The following PTPRT variants were observed in gnomAD, a reference collection of about 807,000 sequenced individuals.
PTPRT encodes receptor-type tyrosine-protein phosphatase T.
Under a neutral mutation model 176.8 loss-of-function variants are expected in PTPRT, and 56 were observed. The observed-to-expected ratio is 0.32, with a 90% confidence interval of 0.26 to 0.40. The LOEUF (loss-of-function observed/expected upper bound fraction) is 0.40, where lower values mean the gene tolerates loss of function less well. Among genes scored for constraint, PTPRT ranks in the 10% least tolerant of loss-of-function variants. The probability of loss-of-function intolerance (pLI) is 1.00; values close to 1 mark genes in which losing one functional copy is unlikely to be tolerated. For synonymous variants in PTPRT, 783 were observed against 739.0 expected, an observed-to-expected ratio of 1.06 and a Z score of -0.96; for missense variants, 1,540 against 1,908.2, an observed-to-expected ratio of 0.81 and a Z score of 3.60.
intron 24 of PTPRT, among the ~76,000 whole-genome samples, chr20:42,106,095 G>A (rs1314130780): frequency 6.6e-6 from 1 of 152,170 alleles, no homozygotes; most frequent in Non-Finnish European, 1.5e-5. Context: ...CAATTTCTTA[G>A]TTTCTTCTTC....
At chr20:42,620,543 G>T (rs1430543107) in intron 7 of PTPRT, among the ~76,000 whole-genome samples, 1 of 149,834 alleles carries the variant, frequency 6.7e-6, no homozygotes, top group East Asian at 1.9e-4. Flanking sequence ...CCCCAGCCTC[G>T]TTGTCGCCTT....
intron 7 of PTPRT, among the ~76,000 whole-genome samples, chr20:42,544,982 C>T (rs768334527): frequency 6.6e-6 from 1 of 152,136 alleles, no homozygotes; most frequent in Non-Finnish European, 1.5e-5. Context: ...GCTGTACACT[C>T]CCCAGCTTCG....
intron 15 of PTPRT, among the ~76,000 whole-genome samples, chr20:42,209,725 G>A (rs2055571052): frequency 6.6e-6 from 1 of 152,162 alleles, no homozygotes; most frequent in Admixed American, 6.5e-5. Flanking sequence ...GGTACAAGGA[G>A]GAACTGGTAC....
chr20:42,464,816 C>T (rs1299413220), intron 8 of PTPRT, among the ~76,000 whole-genome samples: 1 of 152,030 alleles, frequency 6.6e-6, no homozygotes, highest in African/African-American at 2.4e-5. Context: ...TTTTACATGC[C>T]ACATCTTGTT....
intron 18 of PTPRT, among the ~76,000 whole-genome samples, chr20:42,129,585 T>C (rs1988027227): frequency 6.6e-6 from 1 of 152,140 alleles, no homozygotes; most frequent in African/African-American, 2.4e-5. Context: ...AAGTGGAACA[T>C]TGGTTCGGTC....
At chr20:42,784,999 AT>A (rs2077268152) in intron 3 of PTPRT, among the ~76,000 whole-genome samples, 1 of 152,188 alleles carries the variant, frequency 6.6e-6, no homozygotes, top group African/African-American at 2.4e-5. Context: ...GAAAGAATAG[AT>A]TTTTTTAATG....
At chr20:42,282,142 A>G (rs528950298) in intron 13 of PTPRT, among the ~76,000 whole-genome samples, 1 of 152,316 alleles carries the variant, frequency 6.6e-6, no homozygotes, top group East Asian at 1.9e-4. Flanking sequence ...CTTAAAAAAT[A>G]CCCACATAAA....
chr20:43,020,264 C>A (rs745416239), intron 1 of PTPRT, among the ~76,000 whole-genome samples: 25 of 146,974 alleles, frequency 1.7e-4, no homozygotes, highest in Non-Finnish European at 2.8e-4. Flanking sequence ...ATATTTGGTT[C>A]TTTTTGGATA....
chr20:42,572,033 A>T (rs1290141239), intron 7 of PTPRT, among the ~76,000 whole-genome samples: 4 of 152,156 alleles, frequency 2.6e-5, no homozygotes, highest in Non-Finnish European at 5.9e-5. Context: ...CATTGCTCAC[A>T]GTTCTGGGGA....
rs191875072 is a variant in PTPRT at position 42,808,490 on chromosome 20, G to A, written c.215-17024C>T. ...CAGCACAGAGGCATTTGGTGTCCTG[G>A]CCTGACTGGTGAGAGGGGATGTGGA... is the stretch of plus-strand genomic sequence containing the variant. On this transcript the variant is annotated intron_variant, in intron 2 of 30. Coordinates refer to ENST00000373187, the MANE Select transcript of PTPRT (RefSeq NM_007050.6). Among the ~76,000 whole-genome samples, 36 of 152,258 alleles carry A rather than the reference G, an allele frequency of 2.4e-4. No individual in the cohort carries two copies. The East Asian group carries it at 6.6e-3, about 28-fold the overall frequency.
At chr20:42,110,058 T>C (rs1253889737) in intron 23 of PTPRT, among the ~76,000 whole-genome samples, 1 of 151,230 alleles carries the variant, frequency 6.6e-6, no homozygotes, top group East Asian at 1.9e-4. Context: ...TCTTTTTTTT[T>C]TTTTTTGAGA....
chr20:42,880,083 T>A (rs964343932), intron 2 of PTPRT, among the ~76,000 whole-genome samples: 2 of 152,150 alleles, frequency 1.3e-5, no homozygotes, highest in African/African-American at 4.8e-5. Context: ...GCCACACTCC[T>A]CCGTGGCAGT....
At position 42,640,800 on chromosome 20, in the gene PTPRT, G is replaced by A. The variant is rs527435466; in HGVS notation, c.1153+37066C>T. ...CATTCAGCTTGCCTGGGCTGCCTCT[G>A]TGTCAGTCAGATTTTGCTTTCTAGC... On this transcript the variant is annotated intron_variant, in intron 7 of 30. Transcript: ENST00000373187. Among the ~76,000 whole-genome samples the A allele has an allele frequency of 1.2e-4, 19 of 152,238 alleles. 1 individual carries two copies. Among genetic ancestry groups the A allele is most frequent in the African/African-American group, 4.1e-4 (17 of 41,528 alleles).
intron 29 of PTPRT, among the ~76,000 whole-genome samples, chr20:42,084,247 C>T (rs947391717): frequency 2.6e-5 from 4 of 152,206 alleles, no homozygotes; most frequent in African/African-American, 7.2e-5. Flanking sequence ...GTAAAGTCTC[C>T]AGTTCACCCC....
At chr20:42,836,012 A>G (rs2078174916) in intron 2 of PTPRT, among the ~76,000 whole-genome samples, 1 of 152,092 alleles carries the variant, frequency 6.6e-6, no homozygotes, top group Non-Finnish European at 1.5e-5. Flanking sequence ...AGTTTGGATG[A>G]TGCAAACCCC....
intron 7 of PTPRT, among the ~76,000 whole-genome samples, chr20:42,526,939 C>CTTCTTGG (rs1483541237): frequency 3.5e-5 from 5 of 143,658 alleles, no homozygotes; most frequent in African/African-American, 1.3e-4. Flanking sequence ...AAGAGACTGA[C>CTTCTTGG]TTCTTGGTTC....
chr20:42,714,914 T>A (rs1002075961), intron 6 of PTPRT, among the ~76,000 whole-genome samples: 2 of 152,136 alleles, frequency 1.3e-5, no homozygotes, highest in African/African-American at 4.8e-5. Flanking sequence ...TAAAACTCTG[T>A]AAGGTCTAGA....
At chr20:42,614,611 A>G (rs912575319) in intron 7 of PTPRT, among the ~76,000 whole-genome samples, 13 of 152,124 alleles carry the variant, frequency 8.5e-5, no homozygotes, top group Admixed American at 1.3e-4. Flanking sequence ...CAACTTCAGG[A>G]AATGATCTTA....
chr20:42,832,530 CATTTTTTAATGTAGAGAGAAGAG>C lies in PTPRT; in HGVS notation c.215-41087_215-41065del, dbSNP rs578175137. Among the ~76,000 whole-genome samples, 838 of 151,812 alleles carry C rather than the reference CATTTTTTAATGTAGAGAGAAGAG, an allele frequency of 5.5e-3. 7 individuals carry two copies. The highest frequency in any genetic ancestry group is 0.019 in the African/African-American group (792 of 41,416). ...CTAAAAAAAAAGACATTTTGAAGAG[CATTTTTTAATGTAGAGAGAAGAG>C]ATTTTATCCAAGAAAAAGATGCTGT... On this transcript the variant is annotated intron_variant, in intron 2 of 30. Transcript: ENST00000373187.
Sources: allele counts gnomAD v4.1 joint callset (sites outside exome capture counted in the v4.1 genomes callset), GRCh38; gene constraint gnomAD v4.1.1; transcripts MANE v1.5; gene names NCBI Gene and HGNC (gene_info 2026-07-23, HGNC 2026-07-21).